PDE8B: variants seen among roughly 807,000 people sequenced by gnomAD.
PDE8B encodes the protein phosphodiesterase 8B.
In PDE8B, 26 loss-of-function variants were observed where a neutral mutation model predicts 101.3. That is an observed-to-expected ratio of 0.26 (90% confidence interval 0.19 to 0.36). The LOEUF (loss-of-function observed/expected upper bound fraction) is 0.36, where lower values mean the gene tolerates loss of function less well. Ranked by LOEUF, PDE8B falls within the 10% of genes least tolerant of loss-of-function variation. The pLI, the probability that PDE8B is intolerant of heterozygous loss-of-function variation, is 1.00. For synonymous variants in PDE8B, 424 were observed against 429.3 expected, an observed-to-expected ratio of 0.99 and a Z score of 0.15; for missense variants, 810 against 1,163.1, an observed-to-expected ratio of 0.70 and a Z score of 4.42.
intron 4 of PDE8B, among the ~76,000 whole-genome samples, 189 bp downstream of exon 4, chr5:77,329,246 C>A (rs1262927789): frequency 2.0e-5 from 3 of 152,128 alleles, no homozygotes; most frequent in Admixed American, 6.6e-5. Context: ...TTAGGTTTTT[C>A]TCTGTATCTT....
chr5:77,276,345 G>T (rs1763845780), intron 1 of PDE8B, among the ~76,000 whole-genome samples: 1 of 152,146 alleles, frequency 6.6e-6, no homozygotes, highest in African/African-American at 2.4e-5. Context: ...CAGCTCAAAG[G>T]CCTCTACCTC....
Position 77,400,306 on chromosome 5 carries a change from T to C in PDE8B, c.1210+16T>C, listed in dbSNP as rs199747134. The C allele has an allele frequency of 1.3e-5, 20 of 1,517,076 alleles. No individual in the cohort carries two copies. Among genetic ancestry groups the C allele is most frequent in the Admixed American group, 8.3e-5 (5 of 59,912 alleles). The allele number at this position is 1,517,076 out of a possible 1,614,324, so 94.0% of individuals were successfully genotyped here. On this transcript the variant is annotated intron_variant, in intron 11 of 21. Transcript: ENST00000264917. The stretch of plus-strand genomic sequence containing the variant: ...TCTCAGACAGGTGAGAATACTTCAA[T>C]TGAACTCTAACATACTTAGGAGGCA...
intron 1 of PDE8B, among the ~76,000 whole-genome samples, chr5:77,294,093 G>T (rs1767986116): frequency 6.6e-6 from 1 of 152,016 alleles, no homozygotes. Flanking sequence ...ATCCTGCTCT[G>T]TAGTATAATT....
intron 17 of PDE8B, among the ~76,000 whole-genome samples, chr5:77,417,972 C>T (rs1451401983): frequency 1.3e-5 from 2 of 152,186 alleles, no homozygotes; most frequent in East Asian, 3.9e-4. Flanking sequence ...CCTCTTCCTG[C>T]AGCTGATGGC....
chr5:77,400,881 A>G (rs1561655169), intron 11 of PDE8B, among the ~76,000 whole-genome samples: 1 of 152,216 alleles, frequency 6.6e-6, no homozygotes, highest in Non-Finnish European at 1.5e-5. Context: ...GGGAAAAAAA[A>G]TCAGTCTGCT....
Position 77,245,834 on chromosome 5 carries a change from C to A in PDE8B, c.339+34570C>A, listed in dbSNP as rs58025125. Among the ~76,000 whole-genome samples, 623 of 62,836 alleles carry A rather than the reference C, an allele frequency of 9.9e-3. 14 individuals are homozygous for A. Among genetic ancestry groups the A allele is most frequent in the African/African-American group, 0.054 (597 of 11,052 alleles). 41.2% of individuals were successfully genotyped at this position (62,836 alleles called of 152,430 possible). Reference sequence around the variant, plus strand: ...TTTGTACCCCTCCTCTCTCCTATAACCTCCTCCCCCCCCCGCCCCCCCCCC... The same window carrying A: ...TTTGTACCCCTCCTCTCTCCTATAAACTCCTCCCCCCCCCGCCCCCCCCCC... On this transcript the variant is annotated intron_variant, in intron 1 of 21. Transcript: ENST00000264917.
At chr5:77,146,820 T>TA in the PDE8B span, 2 of 354,882 alleles carry the variant, frequency 5.6e-6, no homozygotes, top group Non-Finnish European at 1.1e-5. Flanking sequence ...AGATCCCCTT[T>TA]AGGACGAAAA....
At chr5:77,401,344 C>T (rs530191046) in intron 11 of PDE8B, among the ~76,000 whole-genome samples, 1 of 152,160 alleles carries the variant, frequency 6.6e-6, no homozygotes, top group Admixed American at 6.5e-5. Context: ...AACTTGGGAG[C>T]TTCTGGGTGC....
Position 77,211,234 on chromosome 5 carries a change from C to A in PDE8B, c.309C>A (p.Ala103=). The A allele has an allele frequency of 6.4e-7, 1 of 1,574,658 alleles. No homozygotes were observed. The highest frequency in any genetic ancestry group is 8.6e-7 in the Non-Finnish European group (1 of 1,168,726). The change falls in exon 1 of 22, where the codon GCC becomes GCA. Residue 103 remains alanine, a synonymous_variant. Transcript: ENST00000264917. The surrounding 1 kb of genome is among the most constrained non-coding windows in gnomAD (Gnocchi z 4.1). ...GCCACTGCTGCAGCAGCGCCGAGGC[C>A]GAGACTCAGACCTGCTACACCAGCG... ...RRRHCCSSAE[A]ETQTCYTSVK... is the part of the protein sequence containing the mutation.
the PDE8B span, among the ~76,000 whole-genome samples, chr5:77,152,816 T>A: frequency 2.0e-5 from 3 of 152,086 alleles, no homozygotes; most frequent in Non-Finnish European, 4.4e-5. Context: ...CTGCTTTTCT[T>A]GAGAGGACTG....
chr5:77,310,273 C>T (rs967137981), intron 1 of PDE8B, among the ~76,000 whole-genome samples: 1 of 152,176 alleles, frequency 6.6e-6, no homozygotes, highest in African/African-American at 2.4e-5. Flanking sequence ...TTTTAATCAG[C>T]GTTCTGGCAG....
At chr5:77,339,076 A>C (rs1400621552) in intron 6 of PDE8B, among the ~76,000 whole-genome samples, 2 of 152,204 alleles carry the variant, frequency 1.3e-5, no homozygotes, top group African/African-American at 4.8e-5. Context: ...CAATAGCATA[A>C]AGAAAAGCCT....
intron 10 of PDE8B, among the ~76,000 whole-genome samples, chr5:77,369,992 C>T (rs10085063): frequency 0.25 from 37,464 of 152,106 alleles, 4,768 homozygotes; most frequent in East Asian, 0.35. Context: ...TAGATTCTAC[C>T]GTTAACATTT....
At chr5:77,163,553 T>C in the PDE8B span, among the ~76,000 whole-genome samples, 1 of 152,202 alleles carries the variant, frequency 6.6e-6, no homozygotes, top group Non-Finnish European at 1.5e-5. Context: ...ATGAACAGTT[T>C]GGTACAAATT....
intron 1 of PDE8B, among the ~76,000 whole-genome samples, chr5:77,223,738 C>T (rs1212079394): frequency 6.6e-6 from 1 of 152,106 alleles, no homozygotes; most frequent in Non-Finnish European, 1.5e-5. Context: ...ATGGTTTCCT[C>T]TTAGATTCCA....
At chr5:77,398,643 C>T (rs904323369) in intron 10 of PDE8B, among the ~76,000 whole-genome samples, 11 of 152,334 alleles carry the variant, frequency 7.2e-5, no homozygotes, top group Admixed American at 4.6e-4. Context: ...TTTGTGTCTG[C>T]TGCTGGCTGG....
chr5:77,134,196 G>C, the PDE8B span: 1 of 152,234 alleles, frequency 6.6e-6, no homozygotes, highest in African/African-American at 2.4e-5. Flanking sequence ...TAAAGGCACA[G>C]CTGGAGCTCC....
the PDE8B span, among the ~76,000 whole-genome samples, chr5:77,094,824 T>C: frequency 2.0e-5 from 3 of 152,074 alleles, no homozygotes; most frequent in Non-Finnish European, 2.9e-5. Flanking sequence ...CAGACTCTTT[T>C]TAACAACCAG....
chr5:77,094,262 A>T, the PDE8B span, among the ~76,000 whole-genome samples: 37 of 152,350 alleles, frequency 2.4e-4, no homozygotes, highest in South Asian at 8.3e-4. Context: ...GAATTTAGCC[A>T]TGTCAATGCA....
Sources: allele counts gnomAD v4.1 joint callset (sites outside exome capture counted in the v4.1 genomes callset), GRCh38; gene constraint gnomAD v4.1.1; non-coding constraint Gnocchi (gnomAD v3.1); transcripts MANE v1.5; gene names NCBI Gene and HGNC (gene_info 2026-07-23, HGNC 2026-07-21).